The following MYO15A variants were observed in gnomAD, a reference collection of about 807,000 sequenced individuals.
MYO15A encodes the protein unconventional myosin-XV.
In MYO15A, 308 loss-of-function variants were observed where a neutral mutation model predicts 394.6. The observed-to-expected ratio is 0.78, with a 90% confidence interval of 0.71 to 0.86. MYO15A has a LOEUF of 0.86. Among genes scored for constraint, MYO15A ranks in the 40% least tolerant of loss-of-function variants. The pLI, the probability that MYO15A is intolerant of heterozygous loss-of-function variation, is 0.00. For missense variants in MYO15A, 4,606 were observed against 4,799.1 expected (o/e 0.96, Z 1.19); for synonymous variants, 1,957 against 2,003.8 (o/e 0.98, Z 0.62).
intron 4 of MYO15A, among the ~76,000 whole-genome samples, chr17:18,125,891 C>T (rs2046029289): frequency 6.6e-6 from 1 of 152,004 alleles, no homozygotes; most frequent in African/African-American, 2.4e-5. Context: ...CAGAGGGGAG[C>T]CTCTGACCTG....
intron 3 of MYO15A, 49 bp from the exon 4 acceptor site, chr17:18,125,119 C>G (rs769652224): frequency 6.3e-7 from 1 of 1,578,324 alleles, no homozygotes; most frequent in Non-Finnish European, 8.7e-7. Context: ...GAGACCCATG[C>G]CAGAACCAGC....
chr17:18,164,115 C>T (rs960158611), intron 60 of MYO15A: 7 of 501,438 alleles, frequency 1.4e-5, no homozygotes, highest in East Asian at 3.7e-5. Context: ...GGACACAGGC[C>T]GTGCCCTCAA....
rs1299321315 is a variant in MYO15A at position 18,124,490 on chromosome 17, C to T, written c.3617C>T (p.Ser1206Phe). 2 of 1,611,978 alleles carry T rather than the reference C, an allele frequency of 1.2e-6. No homozygotes were observed. The highest frequency in any genetic ancestry group is 4.5e-5 in the East Asian group (2 of 44,876). Residue 1206 changes from serine (S) to phenylalanine (F), a missense_variant, in exon 3 of 66, where the codon TCC becomes TTC. By Grantham distance (155) the Ser-to-Phe change is radical. Coordinates refer to ENST00000647165, the MANE Select transcript of MYO15A (RefSeq NM_016239.4). ...GPPSWRNKMH[S>F]IRNLPSMRFR... ...CCTCTCTCTCTCACACAGATGCACT[C>T]CATCCGCAACCTGCCATCCATGCGG...
Position 18,146,099 on chromosome 17 carries a change from C to A in MYO15A, c.6501C>A (p.Tyr2167Ter). 6.2e-7 allele frequency: 1 copy of A among 1,613,874 alleles called. No individual in the cohort carries two copies. Among genetic ancestry groups the A allele is most frequent in the Non-Finnish European group, 8.5e-7 (1 of 1,179,998 alleles). ...CACCTTCCCCGTGCTTCAACAAGTA[C>A]CTTCTCAAGTGAGTGGGACTGGATA... ...GFAPSPCFNKYLLKFVSDYGR... is the reference protein window; with the variant it reads ...GFAPSPCFNK The change falls in exon 30 of 66, where the codon TAC becomes TAA. Residue 2167 changes from tyrosine to a stop codon, truncating the protein, a stop_gained. Coordinates refer to ENST00000647165, the MANE Select transcript of MYO15A (RefSeq NM_016239.4). LOFTEE classifies it high-confidence loss of function.
In MYO15A at chr17:18,143,891, C is replaced by T. The variant is rs746543698; in HGVS notation, c.6068C>T (p.Pro2023Leu). 1 of 1,589,848 alleles carries T rather than the reference C, an allele frequency of 6.3e-7. No homozygotes were observed. Among genetic ancestry groups the T allele is most frequent in the Non-Finnish European group, 8.6e-7 (1 of 1,167,200 alleles). The change falls in exon 28 of 66, where the codon CCT becomes CTT. Residue 2023 changes from proline (P) to leucine (L), a missense_variant. Pro to Leu is a moderately conservative substitution (Grantham distance 98, BLOSUM62 -3). Around this residue, in one of 2 missense-constraint regions of MYO15A, gnomAD observed 2,776 missense variants for 3,109.3 expected, o/e 0.89. Coordinates refer to ENST00000647165, the MANE Select transcript of MYO15A (RefSeq NM_016239.4). Reference protein sequence around the residue: ...AVAGLGLAQVPQVAPVRTPRL... With the variant: ...AVAGLGLAQVLQVAPVRTPRL... Reference sequence around the variant, plus strand: ...ACAGGCCTCGGGCTGGCCCAGGTGCCTCAGGTGGCCCCTGTGAGGACTCCT... The same window carrying T: ...ACAGGCCTCGGGCTGGCCCAGGTGCTTCAGGTGGCCCCTGTGAGGACTCCT...
chr17:18,171,510 C>A, intron 62 of MYO15A, 128 bp from the exon 63 acceptor site: 1 of 1,417,586 alleles, frequency 7.1e-7, no homozygotes, highest in Non-Finnish European at 9.9e-7. Flanking sequence ...AGCCCATTTA[C>A]ACTCCCTAGC....
chr17:18,167,194 G>A (rs547105160), intron 61 of MYO15A, among the ~76,000 whole-genome samples: 11 of 152,334 alleles, frequency 7.2e-5, no homozygotes, highest in Admixed American at 5.9e-4. Context: ...CTCAAGTCCC[G>A]CCTCAGACCT....
intron 64 of MYO15A, 86 bp downstream of exon 64, chr17:18,172,376 C>G: frequency 6.3e-7 from 1 of 1,589,248 alleles, no homozygotes; most frequent in Non-Finnish European, 8.6e-7. Context: ...CCTCCAGCCG[C>G]CGAAGCCCAG....
Position 18,125,148 on chromosome 17 carries a change from T to A in MYO15A, c.3693-20T>A. On this transcript the variant is annotated intron_variant, in intron 3 of 65. Transcript: ENST00000647165. Reference sequence around the variant, plus strand: ...AACCAGCCCTGGGGGCACTGACGGCTTCTCTCTGTGTCCTTCTAGAGACCT... The same window carrying A: ...AACCAGCCCTGGGGGCACTGACGGCATCTCTCTGTGTCCTTCTAGAGACCT... 6.2e-7 allele frequency: 1 copy of A among 1,613,788 alleles called. No individual in the cohort carries two copies. The highest frequency in any genetic ancestry group is 8.5e-7 in the Non-Finnish European group (1 of 1,179,742).
Position 18,151,875 on chromosome 17 carries a change from G to A in MYO15A, c.7817G>A (p.Arg2606Gln), listed in dbSNP as rs375756031. The part of the protein sequence containing the change: ...RKDGGKVFMK[R>Q]PDPHEEALMI... ...GATGGCGGGAAAGTGTTCATGAAGC[G>A]GCCAGACCCTCATGAGGAGGCCCTG... The change falls in exon 41 of 66, where the codon CGG becomes CAG. Residue 2606 changes from arginine to glutamine, a missense_variant. This residue lies in a region of MYO15A where 2,776 missense variants were observed against 3,109.3 expected (regional missense o/e 0.89). Transcript: ENST00000647165. The A allele has an allele frequency of 4.4e-6, 7 of 1,578,428 alleles. No individual in the cohort carries two copies. Among genetic ancestry groups the A allele is most frequent in the Middle Eastern group, 1.7e-4 (1 of 6,022 alleles).
Position 18,120,935 on chromosome 17 carries a change from C to G in MYO15A, c.2135C>G (p.Pro712Arg). 1 of 1,470,482 alleles carries G rather than the reference C, an allele frequency of 6.8e-7. No individual in the cohort carries two copies. The highest frequency in any genetic ancestry group is 9.0e-7 in the Non-Finnish European group (1 of 1,116,684). The allele number at this position is 1,470,482 out of a possible 1,614,324, so 91.1% of individuals were successfully genotyped here. The part of the protein sequence containing the change: ...PPWAAPAHVP[P>R]APQASWWAFV... ...TGGGCCGCCCCAGCGCACGTGCCAC[C>G]GGCGCCGCAGGCCAGCTGGTGGGCC... Residue 712 changes from proline to arginine, a missense_variant, in exon 2 of 66, where the codon CCG becomes CGG. Around this residue, in one of 2 missense-constraint regions of MYO15A, gnomAD observed 1,830 missense variants for 1,689.7 expected, o/e 1.08. Transcript: ENST00000647165.
rs1461956303 is a variant in MYO15A, at chr17:18,117,482, A to C, written c.-219-1100A>C. ...TTTGGGGTCTCCTATGCTAAACCTT[A>C]AACAACCAAAGAATTAGCTCTGGGA... On this transcript the variant is annotated intron_variant, in intron 1 of 65. Transcript: ENST00000647165. The surrounding 1 kb of genome is among the most constrained non-coding windows in gnomAD (Gnocchi z 4.1). Among the ~76,000 whole-genome samples the C allele has an allele frequency of 6.6e-6, 1 of 152,144 alleles. No homozygotes were observed. The highest frequency in any genetic ancestry group is 1.5e-5 in the Non-Finnish European group (1 of 68,034).
intron 22 of MYO15A, 115 bp downstream of exon 22, chr17:18,141,258 T>C: frequency 6.7e-7 from 1 of 1,481,850 alleles, no homozygotes; most frequent in Non-Finnish European, 9.2e-7. Context: ...GCTCAGGTTG[T>C]ACACTTCACA....
rs16960968 is a variant in MYO15A at position 18,156,971 on chromosome 17, C to T, written c.8619C>T (p.Val2873=). 9 of 1,614,138 alleles carry T rather than the reference C, an allele frequency of 5.6e-6. No homozygotes were observed. The highest frequency in any genetic ancestry group is 1.7e-5 in the Admixed American group (1 of 60,032). ...LELKKDSDYV[V]AVRNFLPEDP... is the part of the protein sequence containing the mutation. Reference sequence around the variant, plus strand: ...TGACCCAGGACTCTGACTACGTGGTCGCTGTGAGGAACTTCCTGCCTGAGG... The same window carrying T: ...TGACCCAGGACTCTGACTACGTGGTTGCTGTGAGGAACTTCCTGCCTGAGG... Residue 2873 remains valine, a synonymous_variant, in exon 49 of 66, where the codon GTC becomes GTT. Coordinates refer to ENST00000647165, the MANE Select transcript of MYO15A (RefSeq NM_016239.4).
intron 65 of MYO15A, chr17:18,178,499 G>A (rs183517763): frequency 6.4e-5 from 37 of 581,732 alleles, no homozygotes; most frequent in South Asian, 2.9e-4. Flanking sequence ...GAGGTGAAGC[G>A]ATAGACCCTG....
intron 1 of MYO15A, among the ~76,000 whole-genome samples, chr17:18,113,648 A>C (rs969880805): frequency 6.6e-6 from 1 of 151,490 alleles, no homozygotes; most frequent in African/African-American, 2.4e-5. Flanking sequence ...AATTCCAGCT[A>C]CTCAGGAAGC....
chr17:18,142,015 G>C (rs1340188131), intron 23 of MYO15A, 64 bp from the exon 24 acceptor site: 2 of 1,587,034 alleles, frequency 1.3e-6, no homozygotes, highest in Admixed American at 3.3e-5. Context: ...CTTCTAGAGA[G>C]GGAGGGGCCC....
intron 4 of MYO15A, 48 bp from the exon 5 acceptor site, chr17:18,126,299 A>G (rs1324696708): frequency 2.1e-6 from 3 of 1,455,060 alleles, no homozygotes; most frequent in South Asian, 1.1e-5. Context: ...GGAGGGACAT[A>G]GAGGTCTGCA....
At chr17:18,156,847 T>C in intron 48 of MYO15A, 107 bp from the exon 49 acceptor site, 1 of 1,000,042 alleles carries the variant, frequency 1.0e-6, no homozygotes. Context: ...TAATGAAGGC[T>C]CCCTTCCCTG....
Sources: allele counts gnomAD v4.1 joint callset (sites outside exome capture counted in the v4.1 genomes callset), GRCh38; gene constraint gnomAD v4.1.1; regional missense constraint gnomAD v4.1.1; non-coding constraint Gnocchi (gnomAD v3.1); transcripts MANE v1.5; gene names NCBI Gene and HGNC (gene_info 2026-07-23, HGNC 2026-07-21).